Variants in ACIN1 observed in about 807,000 individuals in gnomAD.
The protein encoded by ACIN1 is apoptotic chromatin condensation inducer 1.
In ACIN1, 16 loss-of-function variants were observed where a neutral mutation model predicts 146.6. The observed-to-expected ratio is 0.11, with a 90% CI of 0.07 to 0.17. The LOEUF (loss-of-function observed/expected upper bound fraction) is 0.17. Among genes scored for constraint, ACIN1 ranks in the 10% least tolerant of loss-of-function variants. The pLI, the probability that ACIN1 is intolerant of heterozygous loss-of-function variation, is 1.00. For synonymous variants in ACIN1, 569 were observed against 582.7 expected (o/e 0.98, Z 0.34); for missense variants, 1,357 against 1,609.3 (o/e 0.84, Z 2.68).
At position 23,059,275 on chromosome 14, in the gene ACIN1, C is replaced by T. The variant is rs1171496820; in HGVS notation, c.3725G>A (p.Gly1242Glu). 1 of 1,607,982 alleles carries T rather than the reference C, an allele frequency of 6.2e-7. No homozygotes were observed. The highest frequency in any genetic ancestry group is 8.5e-7 in the Non-Finnish European group (1 of 1,174,394). ...ERERERERDR[G>E]DRDRDRERDR... Reference sequence around the variant, plus strand: ...CCTTTCCCTATCCCGATCTCGGTCCCCCCTGTCCCGCTCCCTTTCTCTCTC... The same window carrying T: ...CCTTTCCCTATCCCGATCTCGGTCCTCCCTGTCCCGCTCCCTTTCTCTCTC... Residue 1242 changes from glycine (G) to glutamate (E), a missense_variant, in exon 19 of 19, where the codon GGG becomes GAG. Physicochemically the swap from Gly to Glu is moderately conservative, Grantham distance 98 (BLOSUM62 -2). This residue lies in a region of ACIN1 where 509 missense variants were observed against 719.6 expected (regional missense o/e 0.71). Transcript: ENST00000605057.
chr14:23,072,886 G>T (rs368062349), intron 8 of ACIN1, among the ~76,000 whole-genome samples: 2 of 152,330 alleles, frequency 1.3e-5, no homozygotes, highest in East Asian at 3.9e-4. Flanking sequence ...AAAGTTGTGT[G>T]ATAGTAGGCA....
chr14:23,065,292 T>C (rs1724881404), intron 10 of ACIN1, among the ~76,000 whole-genome samples: 1 of 152,200 alleles, frequency 6.6e-6, no homozygotes, highest in African/African-American at 2.4e-5. Flanking sequence ...TCTCTTAGAA[T>C]AACGCATAAA....
intron 10 of ACIN1, 30 bp downstream of exon 10, chr14:23,065,936 C>T (rs926704550): frequency 1.2e-6 from 2 of 1,604,680 alleles, no homozygotes; most frequent in Non-Finnish European, 1.7e-6. Context: ...GTATTCCTGA[C>T]TTTTATCAGG....
chr14:23,073,997 C>G (rs372232400), intron 8 of ACIN1, among the ~76,000 whole-genome samples: 1 of 151,656 alleles, frequency 6.6e-6, no homozygotes, highest in African/African-American at 2.4e-5. Flanking sequence ...CTCCATTACA[C>G]CCGGCTAATT....
chr14:23,062,711 G>A, intron 14 of ACIN1, 188 bp from the exon 15 acceptor site: 1 of 739,224 alleles, frequency 1.4e-6, no homozygotes. Flanking sequence ...GACGTTGTAT[G>A]TGAGGCCTTC....
intron 8 of ACIN1, among the ~76,000 whole-genome samples, chr14:23,075,230 G>A (rs895807434): frequency 6.6e-6 from 1 of 151,998 alleles, no homozygotes; most frequent in Non-Finnish European, 1.5e-5. Context: ...GTGCATACAG[G>A]AAGGTTGTAT....
chr14:23,094,730 G>A (rs1056357241), intron 1 of ACIN1: 23 of 694,206 alleles, frequency 3.3e-5, no homozygotes, highest in Non-Finnish European at 4.3e-5. Context: ...AGGAGCTTAA[G>A]ACACTCCTGG....
upstream of ACIN1, chr14:23,095,317 GC>G (rs1371831214): frequency 6.4e-7 from 1 of 1,567,018 alleles, no homozygotes; most frequent in Admixed American, 1.8e-5. Context: ...CATCCGCCCT[GC>G]AGCGCCCCTT....
Position 23,064,896 on chromosome 14 carries a change from C to CAAAAAAAAAA in ACIN1, c.2309-418_2309-409dup, listed in dbSNP as rs55914303. 3.7e-4 allele frequency among the ~76,000 whole-genome samples: 43 copies of CAAAAAAAAAA among 116,466 alleles called. No homozygotes were observed. The East Asian group carries it at 4.7e-3, about 13-fold the overall frequency. 76.4% of individuals were successfully genotyped at this position (116,466 alleles called of 152,430 possible). On this transcript the variant is annotated intron_variant, in intron 10 of 18. Transcript: ENST00000605057. ...CTGGTGACAGAGCAAGACTCCGTCT[C>CAAAAAAAAAA]AAAAAAAAAAAAAGAAAAGAAATCA...
At chr14:23,063,623 T>C in intron 12 of ACIN1, 46 bp from the exon 13 acceptor site, 1 of 1,610,018 alleles carries the variant, frequency 6.2e-7, no homozygotes. Context: ...AACACCAAAC[T>C]GGCATATTCT....
Position 23,063,539 on chromosome 14 carries a change from T to C in ACIN1, c.2634A>G (p.Glu878=), listed in dbSNP as rs1393243689. 4 of 1,614,202 alleles carry C rather than the reference T, an allele frequency of 2.5e-6. No individual in the cohort carries two copies. The highest frequency in any genetic ancestry group is 1.7e-5 in the Admixed American group (1 of 60,034). ...PAEGQENGQR[E]EEEEEKEPEA... ...CAGGTTCCTTCTCTTCTTCCTCTTCTTCCCTCTGCCCATTCTCCTGGCCCT... is the reference window on the plus strand; with the variant it reads ...CAGGTTCCTTCTCTTCTTCCTCTTCCTCCCTCTGCCCATTCTCCTGGCCCT... Residue 878 remains glutamate (E), a synonymous_variant, in exon 13 of 19, where the codon GAA becomes GAG. Transcript: ENST00000605057.
chr14:23,065,868 G>A (rs1027172920), intron 10 of ACIN1, 98 bp downstream of exon 10: 8 of 1,114,184 alleles, frequency 7.2e-6, no homozygotes, highest in African/African-American at 6.1e-5. Flanking sequence ...AGGAGGGAGT[G>A]ACCCAAGAAT....
At position 23,081,179 on chromosome 14, in the gene ACIN1, TTC is replaced by T. The variant is rs138179621; in HGVS notation, c.526-372_526-371del. On this transcript the variant is annotated intron_variant, in intron 5 of 18. Coordinates refer to ENST00000605057, the MANE Select transcript of ACIN1 (RefSeq NM_001386863.1). Reference sequence around the variant, plus strand: ...TTATCTTTTTATCATTTTGGTATATTTCTTTTTGTTCTTTCCTCTAATCATTT... The same window carrying T: ...TTATCTTTTTATCATTTTGGTATATTTTTTTGTTCTTTCCTCTAATCATTT... Among the ~76,000 whole-genome samples the T allele has an allele frequency of 3.6e-3, 548 of 152,290 alleles. 3 individuals are homozygous for T. The highest frequency in any genetic ancestry group is 0.012 in the African/African-American group (516 of 41,538).
intron 4 of ACIN1, among the ~76,000 whole-genome samples, chr14:23,088,688 CA>C (rs1216878636): frequency 1.3e-5 from 2 of 152,202 alleles, no homozygotes; most frequent in East Asian, 3.8e-4. Context: ...TTAAGTTACA[CA>C]TTGGTTTAAC....
At chr14:23,065,584 C>A (rs115594330) in intron 10 of ACIN1, among the ~76,000 whole-genome samples, 1 of 152,120 alleles carries the variant, frequency 6.6e-6, no homozygotes, top group African/African-American at 2.4e-5. Context: ...AGGGAGACTC[C>A]GTCTCAAAAA....
At chr14:23,093,763 G>A (rs2048289140) in intron 1 of ACIN1, among the ~76,000 whole-genome samples, 1 of 152,164 alleles carries the variant, frequency 6.6e-6, no homozygotes, top group Non-Finnish European at 1.5e-5. Context: ...TAAATGTACA[G>A]ATATAAAATG....
In ACIN1 at chr14:23,093,508, GTGT is replaced by G. The variant is rs1566761320; in HGVS notation, c.172_174del (p.Thr58del). The G allele has an allele frequency of 6.2e-7, 1 of 1,614,058 alleles. No individual in the cohort carries two copies. Among genetic ancestry groups the G allele is most frequent in the Non-Finnish European group, 8.5e-7 (1 of 1,179,984 alleles). ...GAATTTGGCTGGAATGCAGCATGGG[GTGT>G]TGAGTGTTTCTGTAAATTTTCTAGC... On this transcript the variant is annotated inframe_deletion, in exon 2 of 19. Coordinates refer to ENST00000605057, the MANE Select transcript of ACIN1 (RefSeq NM_001386863.1).
chr14:23,090,234 AG>A, intron 3 of ACIN1, 133 bp from the exon 4 acceptor site: 2 of 1,244,228 alleles, frequency 1.6e-6, no homozygotes, highest in Non-Finnish European at 2.2e-6. Context: ...CCGTATAAAA[AG>A]AAAAAACTCC....
intron 8 of ACIN1, among the ~76,000 whole-genome samples, chr14:23,075,149 C>T (rs746197215): frequency 5.9e-5 from 9 of 152,116 alleles, no homozygotes; most frequent in Non-Finnish European, 1.0e-4. Context: ...CCAATACCTT[C>T]CTCCTACACA....
Sources: allele counts gnomAD v4.1 joint callset (sites outside exome capture counted in the v4.1 genomes callset), GRCh38; gene constraint gnomAD v4.1.1; regional missense constraint gnomAD v4.1.1; transcripts MANE v1.5; gene names NCBI Gene and HGNC (gene_info 2026-07-23, HGNC 2026-07-21).